Variants in SPAG17 observed in about 807,000 individuals in gnomAD.
The protein encoded by SPAG17 is sperm-associated antigen 17.
A neutral mutation model predicts 273.6 loss-of-function variants in SPAG17; 169 were observed. The observed-to-expected ratio is 0.62, with a 90% CI of 0.55 to 0.70. The LOEUF is 0.70. SPAG17 is among the 30% of genes least tolerant of loss of function. The pLI, the probability that SPAG17 is intolerant of heterozygous loss-of-function variation, is 0.00. For synonymous variants in SPAG17, 825 were observed against 873.2 expected, an observed-to-expected ratio of 0.94 and a Z score of 0.97; for missense variants, 2,557 against 2,627.8, an observed-to-expected ratio of 0.97 and a Z score of 0.59.
Position 118,150,632 on chromosome 1 carries a change from G to T in SPAG17, c.229-3C>A. ...ACAAGTGTATTTATTTCATTAATCTGTAAGAAAATTAAATTTACTTATGAT... is the reference window on the plus strand; with the variant it reads ...ACAAGTGTATTTATTTCATTAATCTTTAAGAAAATTAAATTTACTTATGAT... On this transcript the variant is annotated splice_region_variant and splice_polypyrimidine_tract_variant and intron_variant, in intron 2 of 48. Coordinates refer to ENST00000336338, the MANE Select transcript of SPAG17 (RefSeq NM_206996.4). 1 of 1,464,064 alleles carries T rather than the reference G, an allele frequency of 6.8e-7. No homozygotes were observed. Among genetic ancestry groups the T allele is most frequent in the Non-Finnish European group, 9.4e-7 (1 of 1,062,902 alleles). 90.7% of individuals were successfully genotyped at this position (1,464,064 alleles called of 1,614,324 possible).
At chr1:118,035,795 A>C (rs1407008768) in intron 24 of SPAG17, among the ~76,000 whole-genome samples, 1 of 152,186 alleles carries the variant, frequency 6.6e-6, no homozygotes, top group African/African-American at 2.4e-5. Flanking sequence ...TCCCTCTAAA[A>C]TGCATGGGAA....
At chr1:118,093,908 A>G (rs1226667346) in intron 7 of SPAG17, among the ~76,000 whole-genome samples, 1 of 152,198 alleles carries the variant, frequency 6.6e-6, no homozygotes, top group African/African-American at 2.4e-5. Context: ...TATAATACCC[A>G]CAAGTTTTAT....
At chr1:118,147,350 G>A (rs986253865) in intron 3 of SPAG17, among the ~76,000 whole-genome samples, 1 of 152,174 alleles carries the variant, frequency 6.6e-6, no homozygotes, top group Admixed American at 6.5e-5. Flanking sequence ...ATATCCTCAA[G>A]TAGGATTCAC....
At chr1:117,965,581 C>T (rs752849835) in intron 47 of SPAG17, 1 of 152,218 alleles carries the variant, frequency 6.6e-6, no homozygotes, top group Non-Finnish European at 1.5e-5. Context: ...TCATTCATGT[C>T]CCTCTTTTAT....
chr1:118,091,566 G>T, intron 10 of SPAG17, 40 bp downstream of exon 10: 2 of 1,113,318 alleles, frequency 1.8e-6, no homozygotes, highest in South Asian at 1.3e-5. Context: ...AAGATGAAAC[G>T]ACTTACTCAA....
chr1:118,014,510 CA>C (rs1557907992), intron 29 of SPAG17, among the ~76,000 whole-genome samples: 1 of 152,084 alleles, frequency 6.6e-6, no homozygotes, highest in African/African-American at 2.4e-5. Context: ...AACAAATGAA[CA>C]AAAAACCTTT....
At chr1:118,026,119 C>G (rs889694327) in intron 26 of SPAG17, among the ~76,000 whole-genome samples, 2 of 152,108 alleles carry the variant, frequency 1.3e-5, no homozygotes, top group African/African-American at 4.8e-5. Flanking sequence ...TTGCCCATAG[C>G]CCCAGGGGAA....
rs563360599 is a variant in SPAG17 at position 118,086,739 on chromosome 1, C to T, written c.1543G>A (p.Ala515Thr). The change falls in exon 12 of 49, where the codon GCA becomes ACA. Residue 515 changes from alanine (A) to threonine (T), a missense_variant. Transcript: ENST00000336338. ...AGTAGGAGGGGGCCTTTGGGCACTG[C>T]TTTGCTTTCATTTTCTTCTTCAGAT... ...FLSEEENESK[A>T]VPKGPLLLNY... is the part of the protein sequence containing the mutation. 6 of 1,614,136 alleles carry T rather than the reference C, an allele frequency of 3.7e-6. No homozygotes were observed. The South Asian group carries it at 5.5e-5, about 15-fold the overall frequency.
chr1:118,134,972 G>C (rs1658258965), intron 3 of SPAG17, among the ~76,000 whole-genome samples: 1 of 152,302 alleles, frequency 6.6e-6, no homozygotes, highest in South Asian at 2.1e-4. Flanking sequence ...CTTTTAAAAT[G>C]TGATACAACT....
chr1:118,007,929 G>T, intron 31 of SPAG17, 115 bp downstream of exon 31: 1 of 1,056,472 alleles, frequency 9.5e-7, no homozygotes, highest in Non-Finnish European at 1.4e-6. Context: ...TATTATAAGA[G>T]AATGAAAGCA....
rs187718540 is a variant in SPAG17 at position 118,065,811 on chromosome 1, T to C, written c.2540+934A>G. Among the ~76,000 whole-genome samples, 900 of 152,176 alleles carry C rather than the reference T, an allele frequency of 5.9e-3. 8 individuals are homozygous for C. Among genetic ancestry groups the C allele is most frequent in the Non-Finnish European group, 6.4e-3 (435 of 67,954 alleles). On this transcript the variant is annotated intron_variant, in intron 18 of 48. Transcript: ENST00000336338. ...TTTTTTTAACTTAATAAGGAATATT[T>C]ACATAAATCCTAGAGCAAAAAAAAA...
rs560370353 is a variant in SPAG17 at position 118,165,707 on chromosome 1, G to A, written c.88-14338C>T. ...GTCACCCAGGTTGGACTGCAGTGGC[G>A]CGATCTCGGCTCACTGCAAGCTCCG... On this transcript the variant is annotated intron_variant, in intron 1 of 48. Coordinates refer to ENST00000336338, the MANE Select transcript of SPAG17 (RefSeq NM_206996.4). 1.7e-4 allele frequency among the ~76,000 whole-genome samples: 25 copies of A among 144,322 alleles called. No individual in the cohort carries two copies. The East Asian group carries it at 4.9e-3, about 28-fold the overall frequency. The allele number at this position is 144,322 out of a possible 152,430, so 94.7% of individuals were successfully genotyped here.
At chr1:118,098,328 A>T (rs1000917250) in intron 6 of SPAG17, among the ~76,000 whole-genome samples, 1 of 152,172 alleles carries the variant, frequency 6.6e-6, no homozygotes, top group Non-Finnish European at 1.5e-5. Flanking sequence ...GGTCACATTA[A>T]ATAGCAATAG....
intron 35 of SPAG17, 23 bp downstream of exon 35, chr1:117,994,383 A>T (rs894639837): frequency 1.2e-6 from 2 of 1,606,792 alleles, no homozygotes; most frequent in Non-Finnish European, 1.7e-6. Flanking sequence ...TAATAAAATG[A>T]CTTTTTAGAA....
At chr1:118,134,028 C>T (rs1658203622) in intron 3 of SPAG17, among the ~76,000 whole-genome samples, 1 of 152,112 alleles carries the variant, frequency 6.6e-6, no homozygotes, top group Non-Finnish European at 1.5e-5. Flanking sequence ...TTGAAGAGGG[C>T]ATGGATAAAT....
chr1:118,031,630 T>A, intron 25 of SPAG17, 62 bp downstream of exon 25: 1 of 1,543,772 alleles, frequency 6.5e-7, no homozygotes, highest in South Asian at 1.2e-5. Flanking sequence ...AAGTCATGGT[T>A]TTAAAAAAGT....
At chr1:118,096,689 T>G (rs574485960) in intron 7 of SPAG17, among the ~76,000 whole-genome samples, 1 of 152,210 alleles carries the variant, frequency 6.6e-6, no homozygotes, top group Non-Finnish European at 1.5e-5. Context: ...TGTCATTCAC[T>G]ACTTTTCCAA....
At chr1:118,122,951 G>T (rs960962718) in intron 3 of SPAG17, among the ~76,000 whole-genome samples, 9 of 152,146 alleles carry the variant, frequency 5.9e-5, no homozygotes, top group African/African-American at 2.2e-4. Flanking sequence ...CCATAACCTG[G>T]CTACCCCTTT....
chr1:118,040,213 T>C (rs1291460763), intron 22 of SPAG17, among the ~76,000 whole-genome samples: 2 of 152,124 alleles, frequency 1.3e-5, no homozygotes, highest in African/African-American at 4.8e-5. Context: ...TCCCTCAAAA[T>C]TGACAGAACT....
Sources: allele counts gnomAD v4.1 joint callset (sites outside exome capture counted in the v4.1 genomes callset), GRCh38; gene constraint gnomAD v4.1.1; transcripts MANE v1.5; gene names NCBI Gene and HGNC (gene_info 2026-07-23, HGNC 2026-07-21).